The following AK5 variants were observed in gnomAD, a reference collection of about 807,000 sequenced individuals.
AK5 encodes the protein adenylate kinase isoenzyme 5.
In AK5, 27 loss-of-function variants were observed where a neutral mutation model predicts 69.5. The observed-to-expected ratio is 0.39, with a 90% CI of 0.29 to 0.54. The LOEUF (loss-of-function observed/expected upper bound fraction) is 0.54, where lower values mean the gene tolerates loss of function less well. Ranked by LOEUF, AK5 falls within the 20% of genes least tolerant of loss-of-function variation. The pLI is 0.71. For missense variants in AK5, 531 were observed against 700.4 expected, an observed-to-expected ratio of 0.76 and a Z score of 2.73; for synonymous variants, 260 against 244.4, an observed-to-expected ratio of 1.06 and a Z score of -0.60.
intron 10 of AK5, among the ~76,000 whole-genome samples, chr1:77,494,730 C>A (rs1181024478): frequency 5.9e-5 from 9 of 151,928 alleles, no homozygotes; most frequent in African/African-American, 1.9e-4. Flanking sequence ...TTAAAACTAA[C>A]ATATACTGGT....
chr1:77,299,970 C>G (rs1423856519), intron 5 of AK5, among the ~76,000 whole-genome samples: 2 of 152,132 alleles, frequency 1.3e-5, no homozygotes, highest in South Asian at 4.1e-4. Context: ...TCATTTTCAG[C>G]TCTTAAAAAG....
In AK5 at chr1:77,293,762, TCC is replaced by T. The variant is rs1353240265; in HGVS notation, c.248-30_248-29del. 7 of 1,559,896 alleles carry T rather than the reference TCC, an allele frequency of 4.5e-6. No homozygotes were observed. In the Admixed American group the frequency reaches 8.3e-5, roughly 18 times the overall value. ...AAGAGTGTTTTATTATGGTGTTTTT[TCC>T]TTTTCAAAGTTATCTTACTCTTTTG... On this transcript the variant is annotated intron_variant, in intron 2 of 13. Coordinates refer to ENST00000354567, the MANE Select transcript of AK5 (RefSeq NM_174858.3).
At chr1:77,474,803 T>C (rs1452023053) in intron 8 of AK5, among the ~76,000 whole-genome samples, 2 of 152,182 alleles carry the variant, frequency 1.3e-5, no homozygotes, top group East Asian at 3.8e-4. Context: ...TGTGTTTTAT[T>C]CTTTTATTTA....
intron 8 of AK5, among the ~76,000 whole-genome samples, chr1:77,469,697 G>A (rs529485156): frequency 2.6e-5 from 4 of 152,364 alleles, no homozygotes; most frequent in African/African-American, 7.2e-5. Flanking sequence ...CCCAAACTGT[G>A]CTCCATATGG....
At chr1:77,505,433 G>A (rs1420449011) in intron 10 of AK5, among the ~76,000 whole-genome samples, 1 of 152,204 alleles carries the variant, frequency 6.6e-6, no homozygotes, top group Non-Finnish European at 1.5e-5. Context: ...AAAAGCAGCA[G>A]AGAAACAAAA....
intron 8 of AK5, among the ~76,000 whole-genome samples, chr1:77,442,969 T>A (rs1249198413): frequency 6.6e-6 from 1 of 152,170 alleles, no homozygotes; most frequent in Admixed American, 6.5e-5. Flanking sequence ...GAACCCTTCC[T>A]TCATGACCTT....
At chr1:77,313,877 G>T (rs752107503) in intron 5 of AK5, 3 of 532,048 alleles carry the variant, frequency 5.6e-6, no homozygotes, top group South Asian at 1.4e-5. Context: ...TGTCCAGTCC[G>T]TCAAGATTCT....
At chr1:77,486,234 T>TA in intron 9 of AK5, 74 bp from the exon 10 acceptor site, 1 of 1,000,648 alleles carries the variant, frequency 1.0e-6, no homozygotes, top group Middle Eastern at 2.3e-4. Context: ...TTTGGGTTTT[T>TA]ATATAATATG....
intron 5 of AK5, among the ~76,000 whole-genome samples, chr1:77,307,057 G>A (rs1659681177): frequency 6.6e-6 from 1 of 151,148 alleles, no homozygotes; most frequent in South Asian, 2.1e-4. Context: ...CCAAATTTTT[G>A]TTTCCTTAAC....
At chr1:77,465,718 A>G (rs1344904544) in intron 8 of AK5, among the ~76,000 whole-genome samples, 1 of 152,164 alleles carries the variant, frequency 6.6e-6, no homozygotes, top group Non-Finnish European at 1.5e-5. Context: ...CTAGCACTGG[A>G]TGTGACCCCA....
At chr1:77,325,154 G>GTT (rs1253193103) in intron 5 of AK5, among the ~76,000 whole-genome samples, 8 of 135,426 alleles carry the variant, frequency 5.9e-5, no homozygotes, top group Middle Eastern at 3.9e-3. Flanking sequence ...ATTTTTGTAG[G>GTT]TTTTTTGTTT....
intron 10 of AK5, among the ~76,000 whole-genome samples, chr1:77,508,383 C>G (rs1277534813): frequency 6.6e-6 from 1 of 152,132 alleles, no homozygotes; most frequent in Non-Finnish European, 1.5e-5. Context: ...CAAACAACTC[C>G]CCAGCTTCAC....
chr1:77,479,486 G>T (rs1293529899), intron 8 of AK5, among the ~76,000 whole-genome samples: 1 of 152,092 alleles, frequency 6.6e-6, no homozygotes, highest in Non-Finnish European at 1.5e-5. Context: ...GATTACAGGC[G>T]TGAGCCACCG....
At chr1:77,499,870 A>ATTTTTT (rs1178365313) in intron 10 of AK5, among the ~76,000 whole-genome samples, 2 of 50,484 alleles carry the variant, frequency 4.0e-5, no homozygotes, top group African/African-American at 2.2e-4. Flanking sequence ...CCCTTTTTCC[A>ATTTTTT]TTTTTTTTTT....
At chr1:77,298,157 T>A (rs992447364) in intron 5 of AK5, 12 of 448,020 alleles carry the variant, frequency 2.7e-5, no homozygotes, top group Non-Finnish European at 4.3e-5. Context: ...GAAAGATAAC[T>A]AATAATAGAA....
intron 6 of AK5, among the ~76,000 whole-genome samples, chr1:77,348,026 T>C (rs1315106925): frequency 1.3e-5 from 2 of 152,188 alleles, no homozygotes; most frequent in Non-Finnish European, 2.9e-5. Context: ...AAAAATGCAA[T>C]ATTTTATTGT....
intron 13 of AK5, 89 bp from the exon 14 acceptor site, chr1:77,558,513 A>T: frequency 1.2e-6 from 1 of 854,936 alleles, no homozygotes; most frequent in Non-Finnish European, 1.9e-6. Context: ...TTGCAGAGCA[A>T]ATTATGAGCA....
At chr1:77,303,257 G>A (rs1659442880) in intron 5 of AK5, among the ~76,000 whole-genome samples, 1 of 152,066 alleles carries the variant, frequency 6.6e-6, no homozygotes, top group East Asian at 1.9e-4. Context: ...TTTGGTCACA[G>A]GACCTCTTTA....
At chr1:77,501,791 T>G (rs925044958) in intron 10 of AK5, among the ~76,000 whole-genome samples, 1 of 152,214 alleles carries the variant, frequency 6.6e-6, no homozygotes, top group African/African-American at 2.4e-5. Flanking sequence ...TTAGAGCCCT[T>G]GTCTTCTAGT....
Sources: gnomAD v4.1 joint callset for allele counts (sites outside exome capture counted in the v4.1 genomes callset) on GRCh38, gnomAD v4.1.1 for gene constraint, MANE v1.5 for transcripts, NCBI Gene and HGNC (gene_info 2026-07-23, HGNC 2026-07-21) for gene names.